SMAD1: variants seen among roughly 807,000 people sequenced by gnomAD.
SMAD1 encodes SMAD family member 1.
A neutral mutation model predicts 41.6 loss-of-function variants in SMAD1; 6 were observed. The observed-to-expected ratio is 0.14, with a 90% CI of 0.08 to 0.28. The LOEUF is 0.28. Among genes scored for constraint, SMAD1 ranks in the 10% least tolerant of loss-of-function variants. The probability of loss-of-function intolerance (pLI) is 1.00; values close to 1 mark genes in which losing one functional copy is unlikely to be tolerated. For synonymous variants in SMAD1, 206 were observed against 203.2 expected, an observed-to-expected ratio of 1.01 and a Z score of -0.12; for missense variants, 379 against 582.6, an observed-to-expected ratio of 0.65 and a Z score of 3.60.
chr4:145,508,495 G>A lies in SMAD1; in HGVS notation c.-176-5943G>A, dbSNP rs1454250721. ...TATTTACTTCACAGTAAATACTAAG[G>A]TATTGTTGCTAAGATTAAACTGGTT... On this transcript the variant is annotated intron_variant, in intron 1 of 6. Transcript: ENST00000302085. 4.6e-5 allele frequency among the ~76,000 whole-genome samples: 7 copies of A among 151,870 alleles called. No individual in the cohort carries two copies. In the East Asian group the frequency reaches 1.2e-3, roughly 25 times the overall value.
intron 6 of SMAD1, among the ~76,000 whole-genome samples, chr4:145,554,543 A>G (rs1732734528): frequency 6.6e-6 from 1 of 152,120 alleles, no homozygotes; most frequent in Non-Finnish European, 1.5e-5. Context: ...GGTTTCAGTA[A>G]GCTTCATGAT....
chr4:145,542,181 T>G (rs1731983955), intron 3 of SMAD1, among the ~76,000 whole-genome samples: 1 of 152,258 alleles, frequency 6.6e-6, no homozygotes. Context: ...TGAAGCTCCT[T>G]TTCTTAAGAA....
At chr4:145,493,288 G>A (rs73852328) in intron 1 of SMAD1, among the ~76,000 whole-genome samples, 17,487 of 152,204 alleles carry the variant, frequency 0.11, 3,103 homozygotes, top group African/African-American at 0.38. Context: ...ATGAAAGAGA[G>A]TAATGATACA....
chr4:145,495,253 G>A (rs6537356), intron 1 of SMAD1, among the ~76,000 whole-genome samples: 89,682 of 151,888 alleles, frequency 0.59, 27,356 homozygotes, highest in African/African-American at 0.71. Context: ...GACAGATGGG[G>A]TAACTGAAGT....
At chr4:145,515,065 G>A in intron 2 of SMAD1, 52 bp downstream of exon 2, 1 of 1,503,868 alleles carries the variant, frequency 6.6e-7, no homozygotes, top group Non-Finnish European at 9.0e-7. Context: ...TACCAGATTT[G>A]TGTTGTTTAG....
At chr4:145,492,729 G>C (rs1023417542) in intron 1 of SMAD1, among the ~76,000 whole-genome samples, 5 of 152,222 alleles carry the variant, frequency 3.3e-5, no homozygotes, top group Non-Finnish European at 7.3e-5. Flanking sequence ...CCATCCTAAA[G>C]CTAGTTAGGG....
At chr4:145,557,347 T>G (rs1295834602) in intron 6 of SMAD1, among the ~76,000 whole-genome samples, 2 of 152,192 alleles carry the variant, frequency 1.3e-5, no homozygotes, top group Non-Finnish European at 2.9e-5. Context: ...TGTGTGTTGA[T>G]AGGGGGACCT....
At chr4:145,511,176 TTAAG>T (rs2126390553) in intron 1 of SMAD1, among the ~76,000 whole-genome samples, 1 of 152,376 alleles carries the variant, frequency 6.6e-6, no homozygotes, top group African/African-American at 2.4e-5. Flanking sequence ...TCATTTATAT[TTAAG>T]TAATTGCTTA....
At chr4:145,549,928 A>G (rs1001879104) in intron 5 of SMAD1, among the ~76,000 whole-genome samples, 5 of 152,210 alleles carry the variant, frequency 3.3e-5, no homozygotes, top group Admixed American at 3.3e-4. Flanking sequence ...ACAATTTTGC[A>G]TACATTTGGG....
chr4:145,535,367 C>T (rs1731554803), intron 2 of SMAD1, among the ~76,000 whole-genome samples: 1 of 152,192 alleles, frequency 6.6e-6, no homozygotes, highest in Non-Finnish European at 1.5e-5. Context: ...TTTGACAGTG[C>T]TACCATATAT....
intron 1 of SMAD1, among the ~76,000 whole-genome samples, chr4:145,499,882 T>G (rs1729326999): frequency 6.6e-6 from 1 of 151,976 alleles, no homozygotes; most frequent in Non-Finnish European, 1.5e-5. Flanking sequence ...TTGTCTTTGG[T>G]CCTACCTCAG....
chr4:145,546,979 C>T, intron 5 of SMAD1, 55 bp downstream of exon 5: 1 of 1,334,928 alleles, frequency 7.5e-7, no homozygotes, highest in Non-Finnish European at 1.1e-6. Context: ...CCCTGTTCCT[C>T]CAGAGCTGAC....
intron 2 of SMAD1, among the ~76,000 whole-genome samples, chr4:145,515,809 G>C (rs1730351946): frequency 6.6e-6 from 1 of 152,126 alleles, no homozygotes; most frequent in Non-Finnish European, 1.5e-5. Context: ...GCTGTTAATA[G>C]TTCCTGGGTT....
intron 2 of SMAD1, among the ~76,000 whole-genome samples, chr4:145,529,192 T>C (rs1333901546): frequency 1.3e-5 from 2 of 152,250 alleles, no homozygotes; most frequent in Admixed American, 6.5e-5. Flanking sequence ...TTCTGACTGT[T>C]ACTATACTTC....
intron 2 of SMAD1, among the ~76,000 whole-genome samples, chr4:145,532,554 A>G (rs144435270): frequency 6.6e-6 from 1 of 152,370 alleles, no homozygotes; most frequent in African/African-American, 2.4e-5. Flanking sequence ...GAAGAAATTC[A>G]TGTGTACAAA....
chr4:145,495,537 G>A (rs80165918), intron 1 of SMAD1, among the ~76,000 whole-genome samples: 3,961 of 151,522 alleles, frequency 0.026, 177 homozygotes, highest in African/African-American at 0.091. Context: ...GATAAAAAGA[G>A]CTAGCAATTT....
chr4:145,543,367 G>A (rs541078379), intron 4 of SMAD1, among the ~76,000 whole-genome samples: 1 of 152,160 alleles, frequency 6.6e-6, no homozygotes, highest in Non-Finnish European at 1.5e-5. Context: ...TTGGAAGTTG[G>A]TATAACTGGG....
chr4:145,511,612 CTT>C (rs1730082465), intron 1 of SMAD1, among the ~76,000 whole-genome samples: 1 of 152,098 alleles, frequency 6.6e-6, no homozygotes. Flanking sequence ...TAATTTTTAA[CTT>C]ATTCTCTCAG....
chr4:145,530,822 G>A (rs1262510978), intron 2 of SMAD1, among the ~76,000 whole-genome samples: 1 of 152,216 alleles, frequency 6.6e-6, no homozygotes, highest in African/African-American at 2.4e-5. Context: ...CTGAGTGATT[G>A]TCTAGTGGTT....
Sources: gnomAD v4.1 joint callset for allele counts (sites outside exome capture counted in the v4.1 genomes callset) on GRCh38, gnomAD v4.1.1 for gene constraint, MANE v1.5 for transcripts, NCBI Gene and HGNC (gene_info 2026-07-23, HGNC 2026-07-21) for gene names.